Variants in PUS10 observed in about 807,000 individuals in gnomAD.
PUS10 encodes the protein pseudouridine synthase 10, also known as tRNA pseudouridine synthase Pus10.
PUS10 carries 59 observed loss-of-function variants against 75.0 expected under a neutral mutation model. That is an observed-to-expected ratio of 0.79 (90% CI 0.64 to 0.98). PUS10 has a LOEUF of 0.98. Ranked by LOEUF, PUS10 falls within the 50% of genes least tolerant of loss-of-function variation. The pLI is 0.00. For missense variants in PUS10, 650 were observed against 614.4 expected (o/e 1.06, Z -0.61); for synonymous variants, 219 against 211.6 (o/e 1.03, Z -0.30).
chr2:60,962,356 G>A (rs953119730), intron 9 of PUS10, among the ~76,000 whole-genome samples: 18 of 152,170 alleles, frequency 1.2e-4, no homozygotes, highest in Non-Finnish European at 1.5e-5. Context: ...TGGATCACCT[G>A]AGGTCAGGAG....
chr2:60,948,802 AT>A (rs1350531483), intron 15 of PUS10, among the ~76,000 whole-genome samples: 1 of 152,178 alleles, frequency 6.6e-6, no homozygotes. Context: ...TTTTCTCACA[AT>A]TCGTTAGAGA....
chr2:60,958,212 C>T (rs75473898), intron 11 of PUS10, among the ~76,000 whole-genome samples: 1,704 of 152,244 alleles, frequency 0.011, 33 homozygotes, highest in African/African-American at 0.038. Flanking sequence ...TTTGTGCTAA[C>T]GCTTTATTTT....
At chr2:60,944,826 A>G (rs908482439) in intron 17 of PUS10, among the ~76,000 whole-genome samples, 183 bp downstream of exon 17, 7 of 152,268 alleles carry the variant, frequency 4.6e-5, no homozygotes, top group African/African-American at 1.7e-4. Flanking sequence ...AACATAAATG[A>G]GACCTCATAT....
chr2:60,967,646 A>C, intron 5 of PUS10, 33 bp from the exon 6 acceptor site: 2 of 1,461,054 alleles, frequency 1.4e-6, no homozygotes, highest in Non-Finnish European at 1.9e-6. Flanking sequence ...CACTGACATG[A>C]AAAACTTTAC....
intron 1 of PUS10, among the ~76,000 whole-genome samples, chr2:61,014,292 C>T (rs1679826582): frequency 6.6e-6 from 1 of 151,988 alleles, no homozygotes; most frequent in South Asian, 2.1e-4. Context: ...ACAAGAGAAT[C>T]ACTTGAACCC....
chr2:60,952,021 C>A (rs1675365984), intron 15 of PUS10, among the ~76,000 whole-genome samples: 1 of 152,076 alleles, frequency 6.6e-6, no homozygotes, highest in African/African-American at 2.4e-5. Context: ...CCCATGTATG[C>A]TCATTCCTTG....
At position 60,954,095 on chromosome 2, in the gene PUS10, T is replaced by G; in HGVS notation, c.1121A>C (p.Lys374Thr). ...GAAGTGGTTTACCTGCTGAAGTTCC[T>G]TAATTTCTTGTGAAGTGAAATGTAC... ...HRVHFTSQEI[K>T]ELQQKINNSS... The change falls in exon 13 of 18, where the codon AAG becomes ACG. Residue 374 changes from lysine to threonine, a missense_variant. Lys to Thr is a moderately conservative substitution (Grantham distance 78, BLOSUM62 -1). Transcript: ENST00000316752. The G allele has an allele frequency of 6.2e-7, 1 of 1,614,200 alleles. No homozygotes were observed. The highest frequency in any genetic ancestry group is 8.5e-7 in the Non-Finnish European group (1 of 1,180,002).
intron 2 of PUS10, chr2:61,009,990 G>C (rs1679493678): frequency 6.6e-6 from 1 of 152,072 alleles, no homozygotes; most frequent in Non-Finnish European, 1.5e-5. Flanking sequence ...ATATAACATA[G>C]TGCATATACA....
chr2:60,951,236 G>A (rs189961119), intron 15 of PUS10, among the ~76,000 whole-genome samples: 1 of 152,170 alleles, frequency 6.6e-6, no homozygotes, highest in Non-Finnish European at 1.5e-5. Flanking sequence ...GTTTGTGTGT[G>A]CTTAAATCAG....
chr2:60,954,266 C>A (rs534315392), intron 12 of PUS10, 108 bp from the exon 13 acceptor site: 2 of 957,728 alleles, frequency 2.1e-6, no homozygotes, highest in Admixed American at 2.1e-5. Flanking sequence ...CTCTAGAGGA[C>A]TGAAAGTTTA....
intron 1 of PUS10, among the ~76,000 whole-genome samples, chr2:61,012,834 CAAAAAAAAAAAAAAAAAAA>C (rs70959885): frequency 3.3e-5 from 1 of 30,164 alleles, no homozygotes; most frequent in African/African-American, 1.8e-4. Context: ...AACTCCGTCT[CAAAAAAAAAAAAAAAAAAA>C]AAAAAAAAAA....
At chr2:60,955,327 T>TTATG (rs1188309784) in intron 11 of PUS10, among the ~76,000 whole-genome samples, 2 of 151,842 alleles carry the variant, frequency 1.3e-5, no homozygotes, top group Non-Finnish European at 2.9e-5. Context: ...TAAATTTTAT[T>TTATG]TATTTATTTA....
chr2:60,944,903 T>A, intron 17 of PUS10, 106 bp downstream of exon 17: 1 of 761,480 alleles, frequency 1.3e-6, no homozygotes, highest in East Asian at 2.5e-5. Context: ...TTCACCATTC[T>A]CAAATACCTA....
At chr2:60,958,131 G>C (rs1039223725) in intron 11 of PUS10, among the ~76,000 whole-genome samples, 2 of 152,114 alleles carry the variant, frequency 1.3e-5, no homozygotes, top group African/African-American at 2.4e-5. Flanking sequence ...CACTCCTCTC[G>C]GTCTTCAGCT....
rs756541343 is a variant in PUS10 at position 60,967,599 on chromosome 2, GAC to G, written c.516_517del (p.Ser173AlafsTer5). The G allele has an allele frequency of 2.5e-6, 4 of 1,599,438 alleles. No homozygotes were observed. On this transcript the variant is annotated frameshift_variant, in exon 6 of 18. Transcript: ENST00000316752. LOFTEE classifies it high-confidence loss of function. ...CTGAACTATATCATCTCTTCCCAGC[GAC>G]AGACTCTGCTTTCTGAATAACATAA...
chr2:60,990,438 T>C (rs1341639118), intron 4 of PUS10, among the ~76,000 whole-genome samples: 1 of 152,196 alleles, frequency 6.6e-6, no homozygotes, highest in Non-Finnish European at 1.5e-5. Context: ...AAGGGGCATC[T>C]GTTGTCAGAA....
At chr2:60,943,768 G>A (rs1674766845) in intron 17 of PUS10, among the ~76,000 whole-genome samples, 1 of 150,786 alleles carries the variant, frequency 6.6e-6, no homozygotes, top group Admixed American at 6.6e-5. Flanking sequence ...AATCTTGTGT[G>A]TGTGTGTGTG....
intron 14 of PUS10, 39 bp from the exon 15 acceptor site, chr2:60,953,153 C>T (rs76770165): frequency 0.12 from 140,171 of 1,129,906 alleles, 9,702 homozygotes; most frequent in Non-Finnish European, 0.15. Flanking sequence ...TCCAAATAAA[C>T]AAAATACAAA....
intron 2 of PUS10, among the ~76,000 whole-genome samples, 193 bp from the exon 3 acceptor site, chr2:61,009,208 A>G (rs1221360090): frequency 6.6e-6 from 1 of 152,202 alleles, no homozygotes; most frequent in African/African-American, 2.4e-5. Context: ...AGAATTACCT[A>G]TCTCTATTAT....
Sources: allele counts gnomAD v4.1 joint callset (sites outside exome capture counted in the v4.1 genomes callset), GRCh38; gene constraint gnomAD v4.1.1; transcripts MANE v1.5; gene names NCBI Gene and HGNC (gene_info 2026-07-23, HGNC 2026-07-21).